COL19A1: variants seen among roughly 807,000 people sequenced by gnomAD.
COL19A1 encodes the protein collagen alpha-1(XIX) chain.
A neutral mutation model predicts 190.2 loss-of-function variants in COL19A1; 159 were observed. That is an observed-to-expected ratio of 0.84 (90% CI 0.73 to 0.95). The LOEUF is 0.95. Among genes scored for constraint, COL19A1 ranks in the 40% least tolerant of loss-of-function variants. The pLI, the probability that COL19A1 is intolerant of heterozygous loss-of-function variation, is 0.00. For missense variants in COL19A1, 1,418 were observed against 1,431.9 expected, an observed-to-expected ratio of 0.99 and a Z score of 0.16; for synonymous variants, 509 against 458.9, an observed-to-expected ratio of 1.11 and a Z score of -1.39.
chr6:70,075,788 A>T (rs1288982841), intron 15 of COL19A1, among the ~76,000 whole-genome samples: 3 of 152,200 alleles, frequency 2.0e-5, no homozygotes, highest in Non-Finnish European at 4.4e-5. Flanking sequence ...AGAAAAAAAA[A>T]AATTGTAAGC....
intron 48 of COL19A1, among the ~76,000 whole-genome samples, chr6:70,197,392 C>A (rs1273322110): frequency 6.6e-6 from 1 of 151,776 alleles, no homozygotes. Flanking sequence ...CACTGCACTC[C>A]AGCCTGGGTG....
chr6:69,974,874 G>A (rs1376607118), intron 11 of COL19A1, among the ~76,000 whole-genome samples: 1 of 145,368 alleles, frequency 6.9e-6, no homozygotes, highest in African/African-American at 2.6e-5. Flanking sequence ...GTGCAGTGGA[G>A]CGATCTAGGC....
chr6:70,115,545 A>G (rs1172431525), intron 16 of COL19A1, among the ~76,000 whole-genome samples: 8 of 152,168 alleles, frequency 5.3e-5, no homozygotes, highest in Non-Finnish European at 1.2e-4. Flanking sequence ...CAAAAAAAAT[A>G]AGACTTTTGT....
At chr6:70,195,709 C>T (rs757348813) in intron 48 of COL19A1, among the ~76,000 whole-genome samples, 8 of 152,238 alleles carry the variant, frequency 5.3e-5, no homozygotes, top group Non-Finnish European at 1.0e-4. Context: ...TAGTTCCCCT[C>T]TTTCACCCCC....
chr6:70,190,833 AC>A (rs1332281051), intron 48 of COL19A1, among the ~76,000 whole-genome samples: 3 of 152,114 alleles, frequency 2.0e-5, no homozygotes, highest in Non-Finnish European at 2.9e-5. Flanking sequence ...AGCAAACTGT[AC>A]CCCCTAGCCA....
chr6:69,957,405 T>C (rs1422360948), intron 9 of COL19A1, among the ~76,000 whole-genome samples: 2 of 152,180 alleles, frequency 1.3e-5, no homozygotes, highest in Non-Finnish European at 2.9e-5. Flanking sequence ...AGACATGCTA[T>C]GTGTTATAGT....
At chr6:70,046,963 C>G (rs972486164) in intron 14 of COL19A1, among the ~76,000 whole-genome samples, 5 of 151,882 alleles carry the variant, frequency 3.3e-5, no homozygotes, top group Non-Finnish European at 7.4e-5. Context: ...ATATATGTAC[C>G]AACTTTTTGA....
intron 14 of COL19A1, among the ~76,000 whole-genome samples, chr6:70,054,116 G>A (rs772345480): frequency 6.6e-6 from 1 of 152,164 alleles, no homozygotes; most frequent in Admixed American, 6.6e-5. Context: ...TTGGAAGGCC[G>A]AGGCAGGTGG....
intron 17 of COL19A1, among the ~76,000 whole-genome samples, chr6:70,127,185 G>C (rs987838565): frequency 4.6e-5 from 7 of 152,178 alleles, no homozygotes; most frequent in Admixed American, 2.0e-4. Context: ...GCTGAAAAAA[G>C]ACCATGACAG....
intron 27 of COL19A1, among the ~76,000 whole-genome samples, chr6:70,147,415 T>G (rs896080185): frequency 6.6e-6 from 1 of 152,164 alleles, no homozygotes; most frequent in African/African-American, 2.4e-5. Flanking sequence ...GAACAGCCCC[T>G]ATTAATAATG....
rs768346118 is a variant in COL19A1 at position 70,146,680 on chromosome 6, G to A, written c.1792G>A (p.Ala598Thr). Residue 598 changes from alanine to threonine, a missense_variant, in exon 26 of 51, where the codon GCA becomes ACA. Transcript: ENST00000620364. The part of the protein sequence containing the change: ...GEPGLDGNPG[A>T]PGPRGPKGER... ...TTAGGGATTAGATGGAAATCCTGGA[G>A]CACCTGGTCCACGTGGGCCAAAGGT... is the stretch of plus-strand genomic sequence containing the variant. 32 of 1,606,314 alleles carry A rather than the reference G, an allele frequency of 2.0e-5. No homozygotes were observed. The South Asian group carries it at 3.6e-4, about 18-fold the overall frequency.
intron 18 of COL19A1, among the ~76,000 whole-genome samples, chr6:70,137,306 AT>A (rs1275662861): frequency 3.9e-5 from 6 of 152,170 alleles, no homozygotes; most frequent in Non-Finnish European, 7.4e-5. Context: ...AGTCTGGATT[AT>A]TGTGCCAGTT....
At chr6:70,062,245 TA>T (rs1297656658) in intron 14 of COL19A1, among the ~76,000 whole-genome samples, 4 of 152,180 alleles carry the variant, frequency 2.6e-5, no homozygotes, top group South Asian at 4.1e-4. Context: ...ACTAACACTT[TA>T]AAAAAATTAG....
chr6:70,204,460 G>T (rs1022034399), intron 49 of COL19A1, among the ~76,000 whole-genome samples: 1 of 152,124 alleles, frequency 6.6e-6, no homozygotes, highest in Non-Finnish European at 1.5e-5. Flanking sequence ...ATTAATAACA[G>T]GTAATTATTA....
At chr6:69,908,529 A>T (rs1409369735) in intron 4 of COL19A1, among the ~76,000 whole-genome samples, 2 of 152,210 alleles carry the variant, frequency 1.3e-5, no homozygotes, top group Admixed American at 1.3e-4. Context: ...AACATATACA[A>T]ATATTTACTA....
intron 22 of COL19A1, among the ~76,000 whole-genome samples, chr6:70,142,282 A>G (rs1213959133): frequency 1.3e-5 from 2 of 152,092 alleles, no homozygotes; most frequent in East Asian, 3.9e-4. Context: ...GGATTTCTAT[A>G]CTCTTTTTCA....
At chr6:70,080,598 A>G (rs1242232066) in intron 15 of COL19A1, among the ~76,000 whole-genome samples, 1 of 152,174 alleles carries the variant, frequency 6.6e-6, no homozygotes, top group Non-Finnish European at 1.5e-5. Flanking sequence ...ACTTTGTTTT[A>G]TTGGTATAAT....
chr6:69,976,859 C>T (rs1233632795), intron 11 of COL19A1, among the ~76,000 whole-genome samples: 1 of 152,182 alleles, frequency 6.6e-6, no homozygotes, highest in Non-Finnish European at 1.5e-5. Context: ...TGCCTCTGAG[C>T]ATTCAGGTGA....
chr6:70,083,455 G>A (rs910877010), intron 15 of COL19A1, among the ~76,000 whole-genome samples: 2 of 151,502 alleles, frequency 1.3e-5, no homozygotes, highest in African/African-American at 4.9e-5. Context: ...TTTTTTTCTA[G>A]CAATTCAGCT....
Sources: gnomAD v4.1 joint callset for allele counts (sites outside exome capture counted in the v4.1 genomes callset) on GRCh38, gnomAD v4.1.1 for gene constraint, MANE v1.5 for transcripts, NCBI Gene and HGNC (gene_info 2026-07-23, HGNC 2026-07-21) for gene names.